The following NF1 variants were observed in gnomAD, a reference collection of about 807,000 sequenced individuals.
The protein encoded by NF1 is neurofibromin.
In NF1, 122 loss-of-function variants were observed where a neutral mutation model predicts 325.7. The observed-to-expected ratio is 0.37, with a 90% CI of 0.32 to 0.44. The LOEUF is 0.44. NF1 is among the 20% of genes least tolerant of loss of function. The probability of loss-of-function intolerance (pLI) is 1.00; values close to 1 mark genes in which losing one functional copy is unlikely to be tolerated. For synonymous variants in NF1, 1,091 were observed against 1,186.0 expected, an observed-to-expected ratio of 0.92 and a Z score of 1.65; for missense variants, 2,140 against 3,415.4, an observed-to-expected ratio of 0.63 and a Z score of 9.31.
At chr17:31,306,818 G>A (rs954999914) in intron 36 of NF1, among the ~76,000 whole-genome samples, 3 of 151,150 alleles carry the variant, frequency 2.0e-5, no homozygotes, top group Non-Finnish European at 4.4e-5. Context: ...AAAAAAGATA[G>A]TCACTGCCTT....
chr17:31,311,903 G>A (rs999040545), intron 36 of NF1, among the ~76,000 whole-genome samples: 25 of 152,254 alleles, frequency 1.6e-4, no homozygotes, highest in African/African-American at 5.5e-4. Context: ...GGAATTACAC[G>A]TAAATAACAC....
At chr17:31,170,913 CAT>C (rs17886104) in intron 5 of NF1, among the ~76,000 whole-genome samples, 1,924 of 152,258 alleles carry the variant, frequency 0.013, 25 homozygotes, top group Middle Eastern at 0.02. Context: ...ACAGTTCACA[CAT>C]ATTTTTATTT....
chr17:31,314,928 C>T (rs532813444), intron 36 of NF1, among the ~76,000 whole-genome samples: 8 of 152,244 alleles, frequency 5.3e-5, no homozygotes, highest in Non-Finnish European at 1.2e-4. Context: ...TAACAGCGTA[C>T]GAGAGTTCCA....
intron 38 of NF1, 145 bp downstream of exon 38, chr17:31,327,984 A>G (rs2069391312): frequency 2.6e-6 from 2 of 771,544 alleles, no homozygotes; most frequent in Admixed American, 2.1e-5. Context: ...GACCTCATCA[A>G]GTTGTGGGGT....
intron 36 of NF1, among the ~76,000 whole-genome samples, chr17:31,324,265 C>T (rs569976118): frequency 2.5e-4 from 38 of 152,238 alleles, no homozygotes; most frequent in African/African-American, 8.9e-4. Context: ...CAGGGTTTCA[C>T]CCTGTTGGCC....
chr17:31,157,070 T>C (rs2065676615), intron 2 of NF1, among the ~76,000 whole-genome samples: 1 of 152,062 alleles, frequency 6.6e-6, no homozygotes, highest in Non-Finnish European at 1.5e-5. Context: ...TACTGTAACC[T>C]CCCCCTTCCC....
At chr17:31,239,233 A>G (rs967829949) in intron 29 of NF1, among the ~76,000 whole-genome samples, 1 of 152,208 alleles carries the variant, frequency 6.6e-6, no homozygotes, top group South Asian at 2.1e-4. Flanking sequence ...GAGACATGGA[A>G]ATTAAGAAAG....
rs1048810528 is a variant in NF1, at chr17:31,278,904, C to T, written c.4835+13565C>T. ...TGCTGGAATTACAGGCGTGAGCCGC[C>T]GCGCCTGGCCTTCATGTCTCTTTTA... On this transcript the variant is annotated intron_variant, in intron 36 of 57. Coordinates refer to ENST00000358273, the MANE Select transcript of NF1 (RefSeq NM_001042492.3). Among the ~76,000 whole-genome samples the T allele has an allele frequency of 5.3e-5, 8 of 152,118 alleles. No homozygotes were observed. The South Asian group carries it at 6.2e-4, about 12-fold the overall frequency.
rs116686657 is a variant in NF1, at chr17:31,231,876, C to G, written c.3198-197C>G. On this transcript the variant is annotated intron_variant, in intron 24 of 57. Transcript: ENST00000358273. ...TTGTAGAAAGTAAGTATTACCTTCT[C>G]CCCATTTGAGATGATTTTGTATTCT... Among the ~76,000 whole-genome samples the G allele has an allele frequency of 4.3e-3, 654 of 152,110 alleles. 6 individuals are homozygous for G. Among genetic ancestry groups the G allele is most frequent in the African/African-American group, 0.015 (625 of 41,474 alleles).
chr17:31,355,936 C>T (rs1488045557), intron 51 of NF1: 1 of 155,332 alleles, frequency 6.4e-6, no homozygotes. Context: ...ATTTTTGAAG[C>T]ATCTCCCAGT....
intron 47 of NF1, 145 bp from the exon 48 acceptor site, chr17:31,342,864 G>T: frequency 1.0e-6 from 1 of 956,940 alleles, no homozygotes; most frequent in Non-Finnish European, 1.6e-6. Context: ...AATGTTCTGT[G>T]GTTTTCTGCA....
At chr17:31,227,078 A>G (rs112240142) in intron 18 of NF1, 140 bp from the exon 19 acceptor site, 3 of 819,812 alleles carry the variant, frequency 3.7e-6, no homozygotes, top group South Asian at 1.4e-5. Flanking sequence ...CTGTGAGGTT[A>G]GTGAAAGGAA....
Position 31,225,266 on chromosome 17 carries a change from A to G in NF1, c.2001+16A>G, listed in dbSNP as rs2144028296. On this transcript the variant is annotated intron_variant, in intron 17 of 57. Transcript: ENST00000358273. ...CTCCTCTATGGTCAGCTTCTTCTGT[A>G]CTTTTTCTGTATCATTTTATGTGCT... 4 of 1,612,694 alleles carry G rather than the reference A, an allele frequency of 2.5e-6. No homozygotes were observed. Among genetic ancestry groups the G allele is most frequent in the Non-Finnish European group, 3.4e-6 (4 of 1,178,988 alleles).
chr17:31,302,248 A>G (rs1182433336), intron 36 of NF1, among the ~76,000 whole-genome samples: 3 of 152,224 alleles, frequency 2.0e-5, no homozygotes, highest in Admixed American at 1.3e-4. Context: ...TAAAGATATC[A>G]GACAACACTG....
In NF1 at chr17:31,226,568, A is replaced by G. The variant is rs199474727; in HGVS notation, c.2135A>G (p.His712Arg). ...CTGGTTGCCATGTCCTGTTTCCGCC[A>G]CCTCTGTGAGGAAGCAGATATCCGG... ...AVLVAMSCFR[H>R]LCEEADIRCG... The change falls in exon 18 of 58, where the codon CAC (histidine) becomes CGC (arginine). Residue 712 changes from histidine (H) to arginine (R), a missense_variant. His to Arg is a conservative substitution (Grantham distance 29). Coordinates refer to ENST00000358273, the MANE Select transcript of NF1 (RefSeq NM_001042492.3). The G allele has an allele frequency of 3.1e-6, 5 of 1,613,790 alleles. No individual in the cohort carries two copies. The highest frequency in any genetic ancestry group is 4.2e-6 in the Non-Finnish European group (5 of 1,179,780).
At chr17:31,171,521 A>G (rs947878275) in intron 5 of NF1, among the ~76,000 whole-genome samples, 1 of 152,228 alleles carries the variant, frequency 6.6e-6, no homozygotes, top group Non-Finnish European at 1.5e-5. Flanking sequence ...GAAATGTTCA[A>G]TCCGTAATAA....
rs142918804 is a variant in NF1 at position 31,128,952 on chromosome 17, A to G, written c.61-27031A>G. On this transcript the variant is annotated intron_variant, in intron 1 of 57. Transcript: ENST00000358273. Reference sequence around the variant, plus strand: ...AAAAAAAAAAAAAGGAATGTTGAATATAGACCTCCAATCTCTTCTGACTTG... The same window carrying G: ...AAAAAAAAAAAAAGGAATGTTGAATGTAGACCTCCAATCTCTTCTGACTTG... Among the ~76,000 whole-genome samples the G allele has an allele frequency of 3.6e-3, 542 of 151,384 alleles. 6 individuals carry two copies. Among genetic ancestry groups the G allele is most frequent in the African/African-American group, 0.012 (515 of 41,432 alleles).
At chr17:31,218,320 T>A (rs941568119) in intron 13 of NF1, among the ~76,000 whole-genome samples, 7 of 152,212 alleles carry the variant, frequency 4.6e-5, no homozygotes, top group African/African-American at 1.4e-4. Flanking sequence ...TTGTTTTCAT[T>A]AGGATTTTCC....
intron 57 of NF1, among the ~76,000 whole-genome samples, chr17:31,363,953 C>G (rs2070456720): frequency 6.6e-6 from 1 of 150,654 alleles, no homozygotes; most frequent in East Asian, 2.0e-4. Flanking sequence ...GTTGACCAGG[C>G]TGGTCTCGAA....
Sources: gnomAD v4.1 joint callset for allele counts (sites outside exome capture counted in the v4.1 genomes callset) on GRCh38, gnomAD v4.1.1 for gene constraint, MANE v1.5 for transcripts, NCBI Gene and HGNC (gene_info 2026-07-23, HGNC 2026-07-21) for gene names.